Variants in PTPRO observed in about 807,000 individuals in gnomAD.
PTPRO encodes the protein receptor-type tyrosine-protein phosphatase O.
A neutral mutation model predicts 145.2 loss-of-function variants in PTPRO; 62 were observed. That is an observed-to-expected ratio of 0.43 (90% confidence interval 0.35 to 0.53). The LOEUF (loss-of-function observed/expected upper bound fraction) is 0.53. Among genes scored for constraint, PTPRO ranks in the 20% least tolerant of loss-of-function variants. PTPRO has a pLI of 0.01. For synonymous variants in PTPRO, 565 were observed against 514.7 expected (o/e 1.10, Z -1.32); for missense variants, 1,345 against 1,482.7 (o/e 0.91, Z 1.53).
chr12:15,508,448 C>A, intron 6 of PTPRO, 123 bp from the exon 7 acceptor site: 3 of 1,054,634 alleles, frequency 2.8e-6, no homozygotes, highest in South Asian at 2.7e-5. Context: ...CCAGTCCGAC[C>A]GCCAATCTTT....
At chr12:15,478,086 G>A (rs952715957) in intron 1 of PTPRO, among the ~76,000 whole-genome samples, 6 of 152,122 alleles carry the variant, frequency 3.9e-5, no homozygotes, top group Admixed American at 3.9e-4. Context: ...ACCCACTATT[G>A]ATTCGACACC....
At chr12:15,379,696 T>TATATAATTCAATTTATATGAA in intron 1 of PTPRO, among the ~76,000 whole-genome samples, 1 of 152,176 alleles carries the variant, frequency 6.6e-6, no homozygotes, top group Admixed American at 6.5e-5. Context: ...GTACTTATGT[T>TATATAATTCAATTTATATGAA]ATATAATTCA....
intron 1 of PTPRO, among the ~76,000 whole-genome samples, chr12:15,451,688 A>G (rs1941049995): frequency 6.6e-6 from 1 of 152,238 alleles, no homozygotes; most frequent in Non-Finnish European, 1.5e-5. Context: ...CAACTCCAAA[A>G]GGAACTTTCA....
intron 1 of PTPRO, among the ~76,000 whole-genome samples, chr12:15,466,408 G>T (rs1204794980): frequency 6.6e-6 from 1 of 152,134 alleles, no homozygotes; most frequent in Non-Finnish European, 1.5e-5. Flanking sequence ...AAAATTGTAT[G>T]ATGGTTATTT....
chr12:15,539,022 GA>G (rs1224961963), intron 12 of PTPRO, among the ~76,000 whole-genome samples: 2 of 152,110 alleles, frequency 1.3e-5, no homozygotes, highest in Admixed American at 1.3e-4. Context: ...TGAAAGTGCT[GA>G]TCTTATTCTA....
At chr12:15,442,164 A>G (rs116015282) in intron 1 of PTPRO, among the ~76,000 whole-genome samples, 4,376 of 152,234 alleles carry the variant, frequency 0.029, 228 homozygotes, top group African/African-American at 0.099. Context: ...GATCAAGTAG[A>G]CTTCATTCCT....
At chr12:15,492,689 G>A (rs540197967) in intron 2 of PTPRO, among the ~76,000 whole-genome samples, 8 of 152,194 alleles carry the variant, frequency 5.3e-5, no homozygotes, top group African/African-American at 1.2e-4. Flanking sequence ...TAAATTTAAA[G>A]TTTACTAATT....
intron 9 of PTPRO, among the ~76,000 whole-genome samples, chr12:15,519,821 T>C (rs891907716): frequency 2.6e-5 from 4 of 152,234 alleles, no homozygotes; most frequent in African/African-American, 9.6e-5. Context: ...GAAGGACTCC[T>C]GTTCGTGGTT....
At chr12:15,450,435 G>T (rs1027771406) in intron 1 of PTPRO, among the ~76,000 whole-genome samples, 12 of 152,090 alleles carry the variant, frequency 7.9e-5, no homozygotes, top group African/African-American at 2.7e-4. Flanking sequence ...GTTTTACCAA[G>T]AACACAATTT....
intron 1 of PTPRO, among the ~76,000 whole-genome samples, chr12:15,367,071 T>A (rs535397217): frequency 2.0e-5 from 3 of 152,322 alleles, no homozygotes; most frequent in Admixed American, 2.0e-4. Flanking sequence ...TTTATTAAAG[T>A]ATAGTACAAT....
chr12:15,514,920 G>T (rs952186878), intron 7 of PTPRO, among the ~76,000 whole-genome samples: 1 of 151,864 alleles, frequency 6.6e-6, no homozygotes, highest in Admixed American at 6.6e-5. Context: ...CTGCCACCAT[G>T]CCTGGCTAAT....
chr12:15,520,462 T>C (rs1391778154), intron 10 of PTPRO, 150 bp downstream of exon 10: 3 of 639,906 alleles, frequency 4.7e-6, no homozygotes, highest in Non-Finnish European at 8.5e-6. Context: ...TGATCATTCA[T>C]TATTTTGTTT....
rs137883278 is a variant in PTPRO at position 15,342,754 on chromosome 12, C to A, written c.75+19953C>A. Among the ~76,000 whole-genome samples, 1,109 of 152,230 alleles carry A rather than the reference C, an allele frequency of 7.3e-3. 11 individuals carry two copies. Among genetic ancestry groups the A allele is most frequent in the African/African-American group, 0.025 (1,047 of 41,530 alleles). On this transcript the variant is annotated intron_variant, in intron 1 of 26. Coordinates refer to ENST00000281171, the MANE Select transcript of PTPRO (RefSeq NM_030667.3). ...CAATCCCAGCACCTTCCTTGATGTACCCAAAATCTTCCCATGCCTTGAAAA... is the reference window on the plus strand; with the variant it reads ...CAATCCCAGCACCTTCCTTGATGTAACCAAAATCTTCCCATGCCTTGAAAA...
chr12:15,540,094 T>C (rs2135538004), intron 12 of PTPRO, among the ~76,000 whole-genome samples: 1 of 152,310 alleles, frequency 6.6e-6, no homozygotes, highest in South Asian at 2.1e-4. Context: ...ATATCAATCT[T>C]AACTCACCCT....
At chr12:15,510,065 T>G (rs2284432) in intron 7 of PTPRO, among the ~76,000 whole-genome samples, 102,857 of 152,126 alleles carry the variant, frequency 0.68, 35,332 homozygotes, top group Admixed American at 0.74. Flanking sequence ...TTATCAATTC[T>G]TGTGGAGTAC....
chr12:15,565,182 C>A (rs1179244215), intron 17 of PTPRO, among the ~76,000 whole-genome samples: 1 of 152,150 alleles, frequency 6.6e-6, no homozygotes, highest in African/African-American at 2.4e-5. Flanking sequence ...ATTAAGAAAA[C>A]AACATTCCAC....
chr12:15,354,300 G>A (rs1158431191), intron 1 of PTPRO, among the ~76,000 whole-genome samples: 1 of 152,020 alleles, frequency 6.6e-6, no homozygotes, highest in African/African-American at 2.4e-5. Context: ...TGATTTCACC[G>A]TTCTTCCACT....
intron 19 of PTPRO, among the ~76,000 whole-genome samples, chr12:15,573,356 G>C (rs558184830): frequency 6.6e-6 from 1 of 152,240 alleles, no homozygotes; most frequent in African/African-American, 2.4e-5. Context: ...CTCTACTTAC[G>C]TAAATGTTAA....
intron 1 of PTPRO, among the ~76,000 whole-genome samples, chr12:15,480,602 A>G (rs1239554455): frequency 6.6e-6 from 1 of 152,148 alleles, no homozygotes; most frequent in African/African-American, 2.4e-5. Flanking sequence ...TTCCATTAGC[A>G]GTGGTTGCCA....
Sources: allele counts gnomAD v4.1 joint callset (sites outside exome capture counted in the v4.1 genomes callset), GRCh38; gene constraint gnomAD v4.1.1; transcripts MANE v1.5; gene names NCBI Gene and HGNC (gene_info 2026-07-23, HGNC 2026-07-21).